Variants in AGK observed in about 807,000 individuals in gnomAD.
The protein encoded by AGK is acylglycerol kinase, mitochondrial.
Under a neutral mutation model 66.4 loss-of-function variants are expected in AGK, and 52 were observed. The ratio of observed to expected loss-of-function variants is 0.78; its 90% CI spans 0.63 to 0.99. AGK has a LOEUF of 0.99. AGK is among the 50% of genes least tolerant of loss of function. The pLI is 0.00. For synonymous variants in AGK, 182 were observed against 181.1 expected (o/e 1.00, Z -0.04); for missense variants, 451 against 506.6 (o/e 0.89, Z 1.05).
At chr7:141,649,899 C>T (rs1015522432) in intron 14 of AGK, among the ~76,000 whole-genome samples, 7 of 152,222 alleles carry the variant, frequency 4.6e-5, no homozygotes, top group Admixed American at 2.0e-4. Flanking sequence ...TTGGACATTT[C>T]CCAGGCCTTT....
At chr7:141,585,604 T>C (rs1253712274) in intron 2 of AGK, among the ~76,000 whole-genome samples, 1 of 152,226 alleles carries the variant, frequency 6.6e-6, no homozygotes, top group Non-Finnish European at 1.5e-5. Context: ...GTTGGAAATA[T>C]TCTTTTTGGG....
intron 10 of AGK, among the ~76,000 whole-genome samples, chr7:141,635,110 A>G (rs1797141828): frequency 6.6e-6 from 1 of 152,204 alleles, no homozygotes; most frequent in South Asian, 2.1e-4. Context: ...TTGCTTTCCA[A>G]AATGTGTTAA....
chr7:141,579,197 G>A (rs1484404336), intron 2 of AGK, among the ~76,000 whole-genome samples: 2 of 152,000 alleles, frequency 1.3e-5, no homozygotes, highest in Admixed American at 1.3e-4. Flanking sequence ...TTCTGAGAAG[G>A]CAAAGTGGTA....
intron 3 of AGK, 21 bp downstream of exon 3, chr7:141,593,206 A>T: frequency 6.2e-7 from 1 of 1,606,094 alleles, no homozygotes; most frequent in Non-Finnish European, 8.5e-7. Flanking sequence ...TTAATGTGAT[A>T]AAATTAAGCC....
chr7:141,596,630 A>G lies in AGK; in HGVS notation c.210A>G (p.Ala70=). 1.9e-6 allele frequency: 3 copies of G among 1,613,974 alleles called. No homozygotes were observed. Among genetic ancestry groups the G allele is most frequent in the Non-Finnish European group, 2.5e-6 (3 of 1,179,872 alleles). The part of the protein sequence containing the change: ...VKKATVFLNP[A]ACKGKARTLF... ...AGGCCACTGTTTTTCTCAATCCTGC[A>G]GCTTGCAAAGGGTAGTTCCGTTTGT... is the stretch of plus-strand genomic sequence containing the variant. The change falls in exon 4 of 16, where the codon GCA becomes GCG. Residue 70 remains alanine (A), a synonymous_variant. Coordinates refer to ENST00000649286, the MANE Select transcript of AGK (RefSeq NM_018238.4).
intron 2 of AGK, among the ~76,000 whole-genome samples, chr7:141,586,668 T>G (rs1470603070): frequency 6.6e-6 from 1 of 152,076 alleles, no homozygotes; most frequent in African/African-American, 2.4e-5. Flanking sequence ...GATAAAATGA[T>G]CCAATCCTTG....
In AGK at chr7:141,555,338, G is replaced by C; in HGVS notation, c.-14-115G>C. 6 of 640,198 alleles carry C rather than the reference G, an allele frequency of 9.4e-6. No homozygotes were observed. The highest frequency in any genetic ancestry group is 1.6e-5 in the Non-Finnish European group (6 of 386,584). The allele number at this position is 640,198 out of a possible 1,614,324, so 39.7% of individuals were successfully genotyped here. On this transcript the variant is annotated intron_variant, in intron 1 of 15. Coordinates refer to ENST00000649286, the MANE Select transcript of AGK (RefSeq NM_018238.4). The surrounding 1 kb of genome is among the most constrained non-coding windows in gnomAD (Gnocchi z 4.2). ...AAGTGGTAAGGAGGAAGAGGAGTGA[G>C]TGGGAAAAAAAGGAGTGAGAGAGGA...
At chr7:141,639,783 A>G (rs955592470) in intron 11 of AGK, among the ~76,000 whole-genome samples, 2 of 152,166 alleles carry the variant, frequency 1.3e-5, no homozygotes, top group Non-Finnish European at 2.9e-5. Flanking sequence ...CCTTTGGGTG[A>G]CTGCTTTTCC....
At chr7:141,591,129 T>G (rs1796107270) in intron 2 of AGK, among the ~76,000 whole-genome samples, 1 of 135,072 alleles carries the variant, frequency 7.4e-6, no homozygotes, top group African/African-American at 2.7e-5. Context: ...TCTCACTCTG[T>G]AGCCCCAGGC....
chr7:141,607,763 A>G (rs953137723), intron 5 of AGK, among the ~76,000 whole-genome samples: 10 of 151,978 alleles, frequency 6.6e-5, no homozygotes, highest in Non-Finnish European at 1.2e-4. Context: ...CTTTAGGCCT[A>G]TGATCCATTT....
At chr7:141,588,997 G>C (rs1221198863) in intron 2 of AGK, among the ~76,000 whole-genome samples, 1 of 152,144 alleles carries the variant, frequency 6.6e-6, no homozygotes, top group Non-Finnish European at 1.5e-5. Flanking sequence ...TGTTTTATCA[G>C]CAAGGTCTTT....
intron 5 of AGK, among the ~76,000 whole-genome samples, chr7:141,604,491 A>G (rs1251580974): frequency 6.7e-6 from 1 of 150,166 alleles, no homozygotes; most frequent in African/African-American, 2.4e-5. Context: ...CTAAATATCT[A>G]TATCCTAAAA....
intron 9 of AGK, among the ~76,000 whole-genome samples, chr7:141,625,847 T>G (rs150054302): frequency 6.6e-6 from 1 of 152,284 alleles, no homozygotes; most frequent in South Asian, 2.1e-4. Context: ...AAAGTTATGA[T>G]TTTGTAGATT....
chr7:141,602,172 CTTGTGT>C lies in AGK; in HGVS notation c.297+893_297+898del, dbSNP rs971454837. ...GGAGCTTTCCTTGAGGGGAGATTTT[CTTGTGT>C]GTGTGTGTGTGTGTGTGTGTGTGTG... On this transcript the variant is annotated intron_variant, in intron 5 of 15. Coordinates refer to ENST00000649286, the MANE Select transcript of AGK (RefSeq NM_018238.4). Among the ~76,000 whole-genome samples, 12 of 73,492 alleles carry C rather than the reference CTTGTGT, an allele frequency of 1.6e-4. No homozygotes were observed. The South Asian group carries it at 2.1e-3, about 13-fold the overall frequency. The allele number at this position is 73,492 out of a possible 152,430, so 48.2% of individuals were successfully genotyped here. A position where few individuals can be genotyped will look rare whatever the true frequency, so the allele number is the denominator to read the frequency against.
chr7:141,632,254 C>A (rs988259124), intron 9 of AGK, among the ~76,000 whole-genome samples: 2 of 151,020 alleles, frequency 1.3e-5, no homozygotes, highest in African/African-American at 4.9e-5. Context: ...ACAAAAAAAA[C>A]CCACAAAATT....
chr7:141,632,713 G>A (rs973367979), intron 9 of AGK, among the ~76,000 whole-genome samples: 1 of 152,198 alleles, frequency 6.6e-6, no homozygotes, highest in Admixed American at 6.5e-5. Flanking sequence ...GTTGCTGCAC[G>A]TTCTCCTTTT....
rs115170245 is a variant in AGK at position 141,632,557 on chromosome 7, C to T, written c.589-1344C>T. 4.4e-3 allele frequency among the ~76,000 whole-genome samples: 675 copies of T among 152,234 alleles called. 7 individuals carry two copies. The highest frequency in any genetic ancestry group is 0.016 in the African/African-American group (648 of 41,538). On this transcript the variant is annotated intron_variant, in intron 9 of 15. Transcript: ENST00000649286. ...GAGAGCATCCAGGCTTGGCTCTCTC[C>T]ACAGCTTCTAACTACTGGGATACTA... is the stretch of plus-strand genomic sequence containing the variant.
At chr7:141,552,559 G>A (rs1795115358) in intron 1 of AGK, among the ~76,000 whole-genome samples, 1 of 152,186 alleles carries the variant, frequency 6.6e-6, no homozygotes, top group Admixed American at 6.5e-5. Flanking sequence ...TGCACTAAAG[G>A]TTGAGAACCC....
At chr7:141,557,675 G>A (rs1463821726) in intron 2 of AGK, among the ~76,000 whole-genome samples, 1 of 152,186 alleles carries the variant, frequency 6.6e-6, no homozygotes, top group African/African-American at 2.4e-5. Context: ...ATCTGAAACA[G>A]CTTGAGCCAG....
Sources: allele counts gnomAD v4.1 joint callset (sites outside exome capture counted in the v4.1 genomes callset), GRCh38; gene constraint gnomAD v4.1.1; non-coding constraint Gnocchi (gnomAD v3.1); transcripts MANE v1.5; gene names NCBI Gene and HGNC (gene_info 2026-07-23, HGNC 2026-07-21).